Variants in NUTM2G observed in about 807,000 individuals in gnomAD.
NUTM2G encodes NUT family member 2G, also known as family with sequence similarity 22, member G.
NUTM2G carries 29 observed loss-of-function variants against 44.3 expected under a neutral mutation model. The ratio of observed to expected loss-of-function variants is 0.66; its 90% confidence interval spans 0.49 to 0.89. NUTM2G has a LOEUF of 0.89. Among genes scored for constraint, NUTM2G ranks in the 40% least tolerant of loss-of-function variants. The pLI is 0.00. For missense variants in NUTM2G, 502 were observed against 946.5 expected (o/e 0.53, Z 6.16); for synonymous variants, 205 against 395.9 (o/e 0.52, Z 5.72).
In NUTM2G at chr9:96,932,517, C is replaced by T. The variant is rs2296814; in HGVS notation, c.713+99C>T. 202,408 of 1,202,536 alleles carry T rather than the reference C, an allele frequency of 0.17. 3 individuals carry two copies. The highest frequency in any genetic ancestry group is 0.25 in the Middle Eastern group (882 of 3,544). The allele number at this position is 1,202,536 out of a possible 1,614,324, so 74.5% of individuals were successfully genotyped here. ...ACACTGTTCAGGGGAGCTTGCAGGG[C>T]GGTTGTGAGGGTGATGGGTTGTGCT... On this transcript the variant is annotated intron_variant, in intron 2 of 6. Coordinates refer to ENST00000372322, the MANE Select transcript of NUTM2G (RefSeq NM_001170741.3).
downstream of NUTM2G, chr9:96,940,134 A>G (rs1826558955): frequency 7.4e-6 from 1 of 136,034 alleles, no homozygotes; most frequent in Admixed American, 7.3e-5. Flanking sequence ...AACAAGCATG[A>G]CCAGCCTGCC....
downstream of NUTM2G, chr9:96,942,873 T>C (rs1826627863): frequency 6.6e-6 from 1 of 151,440 alleles, no homozygotes; most frequent in Non-Finnish European, 1.5e-5. Context: ...TCAAGGTAAA[T>C]CCCTTCATCC....
At chr9:96,940,710 G>A (rs1165694441), downstream of NUTM2G, among the ~76,000 whole-genome samples, 1 of 152,114 alleles carries the variant, frequency 6.6e-6, no homozygotes, top group Non-Finnish European at 1.5e-5. Flanking sequence ...AGAAGCTGAT[G>A]GGGCAAAGCT....
chr9:96,935,804 G>T (rs1324016237), intron 3 of NUTM2G, among the ~76,000 whole-genome samples: 1 of 152,216 alleles, frequency 6.6e-6, no homozygotes, highest in Admixed American at 6.5e-5. Context: ...GTGGGGGGCA[G>T]GCTCCTCACA....
chr9:96,937,742 G>T (rs984875536), intron 5 of NUTM2G, 143 bp from the exon 6 acceptor site: 10 of 1,031,940 alleles, frequency 9.7e-6, no homozygotes, highest in African/African-American at 9.4e-5. Context: ...GTCTGTGCGT[G>T]TAGCTGGTGG....
At chr9:96,934,066 G>C (rs1373282067) in intron 2 of NUTM2G, among the ~76,000 whole-genome samples, 3 of 152,128 alleles carry the variant, frequency 2.0e-5, no homozygotes, top group African/African-American at 7.2e-5. Context: ...ACCATTATCA[G>C]GACTAGGCCA....
intron 6 of NUTM2G, 68 bp downstream of exon 6, chr9:96,938,069 C>A (rs1181483757): frequency 6.2e-7 from 1 of 1,603,686 alleles, no homozygotes. Context: ...ACAAGGCCCA[C>A]CCGACTGTCT....
At chr9:96,934,542 G>A (rs531690074) in intron 2 of NUTM2G, among the ~76,000 whole-genome samples, 1 of 152,118 alleles carries the variant, frequency 6.6e-6, no homozygotes, top group South Asian at 2.1e-4. Context: ...TGCTTGCAGT[G>A]GCTTGGACAC....
intron 3 of NUTM2G, among the ~76,000 whole-genome samples, chr9:96,936,152 A>G (rs1391208629): frequency 6.7e-6 from 1 of 148,968 alleles, no homozygotes; most frequent in African/African-American, 2.5e-5. Context: ...TGATACCTGG[A>G]GGAGGGGTTC....
rs1826386618 is a variant in NUTM2G, at chr9:96,935,181, G to C, written c.714-147G>C. ...ATGTTGGATCTTGGGGGTGTGTCCT[G>C]GAGGCTGAGGAGCCCACATGGGGGA... is the stretch of plus-strand genomic sequence containing the variant. On this transcript the variant is annotated intron_variant, in intron 2 of 6. Transcript: ENST00000372322. 2.8e-6 allele frequency: 4 copies of C among 1,416,534 alleles called. No homozygotes were observed. The East Asian group carries it at 1.0e-4, about 36-fold the overall frequency. The allele number at this position is 1,416,534 out of a possible 1,614,324, so 87.7% of individuals were successfully genotyped here.
In NUTM2G at chr9:96,938,524, C is replaced by G. The variant is rs1164461017; in HGVS notation, c.1601C>G (p.Thr534Ser). Residue 534 changes from threonine (T) to serine (S), a missense_variant, in exon 7 of 7, where the codon ACC (threonine) becomes AGC (serine). Physicochemically the swap from Thr to Ser is moderately conservative, Grantham distance 58 (BLOSUM62 1). Transcript: ENST00000372322. ...CCCCAACAAAGGGTCAGCGTGGAAA[C>G]CTCCCCACCCCAGACGGCTGCCCAG... is the stretch of plus-strand genomic sequence containing the variant. ...PDPQQRVSVE[T>S]SPPQTAAQDP... 1 of 1,613,354 alleles carries G rather than the reference C, an allele frequency of 6.2e-7. No homozygotes were observed. The highest frequency in any genetic ancestry group is 1.3e-5 in the African/African-American group (1 of 74,932).
At chr9:96,934,317 G>A (rs2261741) in intron 2 of NUTM2G, among the ~76,000 whole-genome samples, 2 of 152,222 alleles carry the variant, frequency 1.3e-5, no homozygotes, top group East Asian at 1.9e-4. Context: ...CACACTGGCC[G>A]TTCCCCTAGG....
intron 6 of NUTM2G, 122 bp downstream of exon 6, chr9:96,938,123 C>T (rs780320086): frequency 3.4e-5 from 33 of 960,868 alleles, no homozygotes; most frequent in Non-Finnish European, 5.0e-5. Flanking sequence ...GGGAGCCACT[C>T]CGGGGTGGGA....
intron 1 of NUTM2G, among the ~76,000 whole-genome samples, chr9:96,929,416 G>A (rs1826172220): frequency 6.6e-6 from 1 of 151,592 alleles, no homozygotes; most frequent in Non-Finnish European, 1.5e-5. Context: ...TCAGGCACCT[G>A]GAAGGTGCCC....
chr9:96,934,811 A>G (rs1826376171), intron 2 of NUTM2G, among the ~76,000 whole-genome samples: 2 of 152,150 alleles, frequency 1.3e-5, no homozygotes, highest in African/African-American at 4.8e-5. Flanking sequence ...CCAGTTCCAG[A>G]GGCCAGAAGT....
chr9:96,929,068 C>T, intron 1 of NUTM2G, 28 bp downstream of exon 1: 1 of 1,610,482 alleles, frequency 6.2e-7, no homozygotes, highest in East Asian at 2.3e-5. Context: ...GGGCATTATC[C>T]TAGTCTGCCT....
At chr9:96,932,978 C>CTTTTTTTTTTT (rs573653882) in intron 2 of NUTM2G, among the ~76,000 whole-genome samples, 1 of 129,430 alleles carries the variant, frequency 7.7e-6, no homozygotes, top group East Asian at 2.7e-4. Flanking sequence ...CTTTTCTTTT[C>CTTTTTTTTTTT]TTTTTTTTTT....
At chr9:96,930,413 A>G (rs1474986340) in intron 1 of NUTM2G, among the ~76,000 whole-genome samples, 7 of 151,612 alleles carry the variant, frequency 4.6e-5, no homozygotes, top group African/African-American at 1.7e-4. Flanking sequence ...AATCCCAGCT[A>G]CTCAGGAGGC....
intron 5 of NUTM2G, 84 bp from the exon 6 acceptor site, chr9:96,937,801 T>C (rs148534937): frequency 1.1e-5 from 18 of 1,592,888 alleles, no homozygotes; most frequent in East Asian, 6.7e-5. Flanking sequence ...GGGCCCTCCC[T>C]GCTTTCTGCA....
Sources: gnomAD v4.1 joint callset for allele counts (sites outside exome capture counted in the v4.1 genomes callset) on GRCh38, gnomAD v4.1.1 for gene constraint, MANE v1.5 for transcripts, NCBI Gene and HGNC (gene_info 2026-07-23, HGNC 2026-07-21) for gene names.